The following KCNQ3 variants were observed in gnomAD, a reference collection of about 807,000 sequenced individuals.
KCNQ3 encodes potassium voltage-gated channel subfamily KQT member 3.
KCNQ3 carries 30 observed loss-of-function variants against 92.5 expected under a neutral mutation model. The observed-to-expected ratio is 0.32, with a 90% confidence interval of 0.24 to 0.44. The LOEUF is 0.44. Among genes scored for constraint, KCNQ3 ranks in the 20% least tolerant of loss-of-function variants. The pLI is 1.00. For synonymous variants in KCNQ3, 450 were observed against 468.8 expected, an observed-to-expected ratio of 0.96 and a Z score of 0.52; for missense variants, 913 against 1,140.3, an observed-to-expected ratio of 0.80 and a Z score of 2.87.
rs749463018 is a variant in KCNQ3, at chr8:132,132,168, GA to G, written c.1884+11del. The G allele has an allele frequency of 6.4e-6, 10 of 1,557,048 alleles. No individual in the cohort carries two copies. The Admixed American group carries it at 1.7e-4, about 26-fold the overall frequency. On this transcript the variant is annotated intron_variant, in intron 14 of 14. Coordinates refer to ENST00000388996, the MANE Select transcript of KCNQ3 (RefSeq NM_004519.4). ...CAGATCCAGTTTTTGGTGAGAGGAA[GA>G]AAAGACTTACCTGTCTTTCAACTTT...
intron 12 of KCNQ3, among the ~76,000 whole-genome samples, chr8:132,134,787 G>A (rs1825026360): frequency 6.6e-6 from 1 of 151,496 alleles, no homozygotes; most frequent in African/African-American, 2.4e-5. Context: ...TAGGTGGACT[G>A]CAAACCTGTC....
chr8:132,444,514 T>C (rs1417127879), intron 1 of KCNQ3, among the ~76,000 whole-genome samples: 1 of 152,240 alleles, frequency 6.6e-6, no homozygotes, highest in Admixed American at 6.5e-5. Context: ...CAGCTGGGAC[T>C]GAACTTAGGA....
At chr8:132,337,185 C>T (rs1818387472) in intron 1 of KCNQ3, among the ~76,000 whole-genome samples, 1 of 152,186 alleles carries the variant, frequency 6.6e-6, no homozygotes, top group African/African-American at 2.4e-5. Flanking sequence ...AAAGGTTTCT[C>T]AAGTCAAGAA....
rs117914364 is a variant in KCNQ3, at chr8:132,443,427, A to G, written c.386+36720T>C. On this transcript the variant is annotated intron_variant, in intron 1 of 14. Coordinates refer to ENST00000388996, the MANE Select transcript of KCNQ3 (RefSeq NM_004519.4). ...GCTAAGAATAATTTAATTGAAAACC[A>G]GCATTAATGAGAATCAAAAGGTTTT... 5.2e-4 allele frequency among the ~76,000 whole-genome samples: 79 copies of G among 152,350 alleles called. 1 individual carries two copies. In the East Asian group the frequency reaches 0.014, roughly 26 times the overall value.
intron 1 of KCNQ3, among the ~76,000 whole-genome samples, chr8:132,204,904 C>A (rs1243270810): frequency 6.6e-6 from 1 of 152,162 alleles, no homozygotes; most frequent in Non-Finnish European, 1.5e-5. Flanking sequence ...ATGCAGATCA[C>A]CCCCTCTCTG....
At chr8:132,228,126 G>A (rs1319821206) in intron 1 of KCNQ3, among the ~76,000 whole-genome samples, 1 of 152,180 alleles carries the variant, frequency 6.6e-6, no homozygotes, top group Non-Finnish European at 1.5e-5. Flanking sequence ...GTCAGATGGT[G>A]CTCATATTAA....
chr8:132,129,075 A>C lies in KCNQ3; in HGVS notation c.*187T>G, dbSNP rs1017851012. On this transcript the variant is annotated 3_prime_UTR_variant, in exon 15 of 15. Transcript: ENST00000388996. This position sits in a 1 kb window ranked among gnomAD's most constrained non-coding sequence, Gnocchi z 5.9. ...GTCATGCAAACCATGCTGAAAAGGAAGCACTTTGTTGTGGTGACATGGGGA... is the reference window on the plus strand; with the variant it reads ...GTCATGCAAACCATGCTGAAAAGGACGCACTTTGTTGTGGTGACATGGGGA... 1.9e-5 allele frequency: 12 copies of C among 629,904 alleles called. No individual in the cohort carries two copies. In the African/African-American group the frequency reaches 2.2e-4, roughly 12 times the overall value. 39.0% of individuals were successfully genotyped at this position (629,904 alleles called of 1,614,324 possible). A position where few individuals can be genotyped will look rare whatever the true frequency, so the allele number is the denominator to read the frequency against.
intron 1 of KCNQ3, among the ~76,000 whole-genome samples, chr8:132,258,733 T>C (rs1490022668): frequency 6.6e-6 from 1 of 151,588 alleles, no homozygotes; most frequent in East Asian, 1.9e-4. Flanking sequence ...TTTGAAAAGA[T>C]CAACAAAATT....
chr8:132,469,362 C>T (rs1437396327), intron 1 of KCNQ3, among the ~76,000 whole-genome samples: 1 of 152,198 alleles, frequency 6.6e-6, no homozygotes, highest in Non-Finnish European at 1.5e-5. Context: ...GATGCTGCCA[C>T]TCACGCTCTC....
At chr8:132,198,803 T>C (rs1169018558) in intron 1 of KCNQ3, among the ~76,000 whole-genome samples, 1 of 152,062 alleles carries the variant, frequency 6.6e-6, no homozygotes, top group Non-Finnish European at 1.5e-5. Flanking sequence ...CTGGACTTCA[T>C]CTCAAAAAAC....
At chr8:132,360,375 A>G (rs1045441422) in intron 1 of KCNQ3, among the ~76,000 whole-genome samples, 1 of 152,048 alleles carries the variant, frequency 6.6e-6, no homozygotes, top group African/African-American at 2.4e-5. Context: ...TTGACCTAAG[A>G]GATTTGGCTT....
chr8:132,191,041 T>G (rs573894146), intron 1 of KCNQ3, among the ~76,000 whole-genome samples: 1 of 152,206 alleles, frequency 6.6e-6, no homozygotes, highest in Non-Finnish European at 1.5e-5. Context: ...AGCAATGGCC[T>G]TGTTGAAATT....
At chr8:132,139,584 C>A (rs756078409) in intron 11 of KCNQ3, among the ~76,000 whole-genome samples, 44 of 152,042 alleles carry the variant, frequency 2.9e-4, no homozygotes, top group African/African-American at 9.9e-4. Flanking sequence ...AATTCTAAAG[C>A]AAAACAGAAA....
chr8:132,330,490 T>C (rs1818197726), intron 1 of KCNQ3, among the ~76,000 whole-genome samples: 1 of 152,110 alleles, frequency 6.6e-6, no homozygotes, highest in South Asian at 2.1e-4. Context: ...CACATCACCT[T>C]CCTCTCGACA....
intron 1 of KCNQ3, among the ~76,000 whole-genome samples, chr8:132,398,325 C>T (rs1470140214): frequency 6.6e-6 from 1 of 152,020 alleles, no homozygotes; most frequent in Non-Finnish European, 1.5e-5. Flanking sequence ...TTTTGAGTCT[C>T]TTGATTTTGC....
intron 12 of KCNQ3, 91 bp from the exon 13 acceptor site, chr8:132,134,479 A>T (rs137874340): frequency 5.8e-6 from 5 of 867,530 alleles, no homozygotes; most frequent in African/African-American, 1.7e-5. Flanking sequence ...GAATGAGATA[A>T]GGGTTTGGAA....
intron 1 of KCNQ3, among the ~76,000 whole-genome samples, chr8:132,273,119 A>C (rs986713615): frequency 6.6e-6 from 1 of 152,098 alleles, no homozygotes; most frequent in East Asian, 1.9e-4. Context: ...TAGGAACTCT[A>C]TGTGGGGGCT....
intron 1 of KCNQ3, among the ~76,000 whole-genome samples, chr8:132,434,190 A>T (rs1450266870): frequency 6.8e-6 from 1 of 145,998 alleles, no homozygotes; most frequent in Non-Finnish European, 1.5e-5. Context: ...CCTGGGTGAC[A>T]GAGCGAGACT....
chr8:132,174,863 G>T (rs968609729), intron 5 of KCNQ3, among the ~76,000 whole-genome samples: 3 of 152,164 alleles, frequency 2.0e-5, no homozygotes, highest in Admixed American at 2.0e-4. Context: ...TGTGGCCTCC[G>T]GAGCCTAACT....
Sources: allele counts gnomAD v4.1 joint callset (sites outside exome capture counted in the v4.1 genomes callset), GRCh38; gene constraint gnomAD v4.1.1; non-coding constraint Gnocchi (gnomAD v3.1); transcripts MANE v1.5; gene names NCBI Gene and HGNC (gene_info 2026-07-23, HGNC 2026-07-21).